Variants in ZBTB46 observed in about 807,000 individuals in gnomAD.
ZBTB46 encodes the protein zinc finger and BTB domain containing 46.
In ZBTB46, 8 loss-of-function variants were observed where a neutral mutation model predicts 44.1. The ratio of observed to expected loss-of-function variants is 0.18; its 90% CI spans 0.11 to 0.33. The LOEUF is 0.33. Among genes scored for constraint, ZBTB46 ranks in the 10% least tolerant of loss-of-function variants. The pLI is 1.00. For synonymous variants in ZBTB46, 409 were observed against 382.3 expected (o/e 1.07, Z -0.81); for missense variants, 651 against 847.7 (o/e 0.77, Z 2.88).
intron 1 of ZBTB46, among the ~76,000 whole-genome samples, chr20:63,827,005 C>T (rs1184267513): frequency 2.6e-5 from 4 of 152,054 alleles, no homozygotes; most frequent in Non-Finnish European, 4.4e-5. Context: ...GGTGGATCTC[C>T]GAGTGGACTC....
At chr20:63,806,625 T>C (rs1482112790) in intron 1 of ZBTB46, among the ~76,000 whole-genome samples, 3 of 152,110 alleles carry the variant, frequency 2.0e-5, no homozygotes, top group African/African-American at 7.2e-5. Flanking sequence ...TTCTCTTTTT[T>C]TGAGATGGAA....
intron 1 of ZBTB46, among the ~76,000 whole-genome samples, chr20:63,795,591 C>T (rs1218351836): frequency 6.6e-6 from 1 of 152,236 alleles, no homozygotes; most frequent in Non-Finnish European, 1.5e-5. Flanking sequence ...AAAACCAGCA[C>T]AGCTGGGAGG....
At chr20:63,808,847 G>A (rs1429296645) in intron 1 of ZBTB46, among the ~76,000 whole-genome samples, 1 of 151,660 alleles carries the variant, frequency 6.6e-6, no homozygotes, top group Non-Finnish European at 1.5e-5. Flanking sequence ...GCGTGGTGGG[G>A]GCGCCTGCAG....
Position 63,803,764 on chromosome 20 carries a change from G to C in ZBTB46, c.-33-12974C>G, listed in dbSNP as rs1279085454. Among the ~76,000 whole-genome samples, 3 of 152,124 alleles carry C rather than the reference G, an allele frequency of 2.0e-5. No homozygotes were observed. Among genetic ancestry groups the C allele is most frequent in the Non-Finnish European group, 4.4e-5 (3 of 68,022 alleles). On this transcript the variant is annotated intron_variant, in intron 1 of 4. Transcript: ENST00000245663. This position sits in a 1 kb window ranked among gnomAD's most constrained non-coding sequence, Gnocchi z 4.0. Reference sequence around the variant, plus strand: ...ACTCTGTCCCCCAGGCTGGAGTGCAGTGGCGCAATCTCGGCTCACTGCAGC... The same window carrying C: ...ACTCTGTCCCCCAGGCTGGAGTGCACTGGCGCAATCTCGGCTCACTGCAGC...
At chr20:63,785,632 A>G in intron 2 of ZBTB46, among the ~76,000 whole-genome samples, 1 of 152,222 alleles carries the variant, frequency 6.6e-6, no homozygotes, top group Non-Finnish European at 1.5e-5. Flanking sequence ...CTTCTCTAAG[A>G]TAGAATAAAT....
intron 1 of ZBTB46, chr20:63,815,278 G>C (rs1224753542): frequency 7.2e-6 from 2 of 278,188 alleles, no homozygotes; most frequent in Non-Finnish European, 1.4e-5. Context: ...CCGGTGCAGT[G>C]AGTGCAGGTG....
rs1379612373 is a variant in ZBTB46 at position 63,819,773 on chromosome 20, CCAA to C, written c.-34+11321_-34+11323del. Among the ~76,000 whole-genome samples the C allele has an allele frequency of 2.6e-5, 4 of 152,280 alleles. No homozygotes were observed. The South Asian group carries it at 6.2e-4, about 24-fold the overall frequency. ...CCTCGTAACTCCCTGCCTCACTCCG[CCAA>C]CAAGTAAGAAAAGCAACTGGGACGC... On this transcript the variant is annotated intron_variant, in intron 1 of 4. Transcript: ENST00000245663.
At chr20:63,782,467 C>T (rs961913261) in intron 2 of ZBTB46, among the ~76,000 whole-genome samples, 4 of 152,276 alleles carry the variant, frequency 2.6e-5, no homozygotes, top group South Asian at 2.1e-4. Context: ...GCAGCCCTGC[C>T]GGCTGCTTCA....
At chr20:63,813,839 G>A (rs1264470460) in intron 1 of ZBTB46, among the ~76,000 whole-genome samples, 2 of 152,212 alleles carry the variant, frequency 1.3e-5, no homozygotes, top group Non-Finnish European at 2.9e-5. Flanking sequence ...CCAGCATCGC[G>A]ACGCTGAGGA....
At position 63,785,921 on chromosome 20, in the gene ZBTB46, T is replaced by C. The variant is rs1012468339; in HGVS notation, c.937+3900A>G. Among the ~76,000 whole-genome samples the C allele has an allele frequency of 3.8e-4, 58 of 152,232 alleles. 1 individual carries two copies. Among genetic ancestry groups the C allele is most frequent in the Non-Finnish European group, 2.9e-5 (2 of 68,042 alleles). ...TACACAGCCAAAATCACTTGTTGGA[T>C]TCTAAAAACACCTTCTGCTCGACAA... On this transcript the variant is annotated intron_variant, in intron 2 of 4. Coordinates refer to ENST00000245663, the MANE Select transcript of ZBTB46 (RefSeq NM_001369741.1).
At chr20:63,781,238 A>G (rs2092467990) in intron 2 of ZBTB46, among the ~76,000 whole-genome samples, 1 of 152,094 alleles carries the variant, frequency 6.6e-6, no homozygotes, top group African/African-American at 2.4e-5. Flanking sequence ...TGGAACGAGA[A>G]CACCTAGGAA....
intron 3 of ZBTB46, among the ~76,000 whole-genome samples, chr20:63,770,092 G>A (rs769191012): frequency 3.9e-5 from 6 of 152,310 alleles, no homozygotes; most frequent in African/African-American, 7.2e-5. Context: ...CACCAGCAAC[G>A]CTCCAGAGGC....
rs1363463615 is a variant in ZBTB46 at position 63,746,809 on chromosome 20, G to A, written c.*121C>T. ...GGTTTCCGTGGGGGGTGGGTTCAGG[G>A]GGAAGCAGAGGAGGGGCCGCGAGAG... On this transcript the variant is annotated 3_prime_UTR_variant, in exon 5 of 5. Transcript: ENST00000245663. 1 of 1,390,032 alleles carries A rather than the reference G, an allele frequency of 7.2e-7. No individual in the cohort carries two copies. The highest frequency in any genetic ancestry group is 9.4e-7 in the Non-Finnish European group (1 of 1,067,902). The allele number at this position is 1,390,032 out of a possible 1,614,324, so 86.1% of individuals were successfully genotyped here.
At chr20:63,749,625 C>T (rs1016618621) in intron 4 of ZBTB46, among the ~76,000 whole-genome samples, 11 of 152,228 alleles carry the variant, frequency 7.2e-5, no homozygotes, top group African/African-American at 1.4e-4. Context: ...CGTCAGCCAC[C>T]GCGCCCAGCC....
At chr20:63,747,539 G>GGGGGGCGGGGCA (rs2092115082) in intron 4 of ZBTB46, among the ~76,000 whole-genome samples, 6 of 128,710 alleles carry the variant, frequency 4.7e-5, no homozygotes, top group East Asian at 5.1e-4. Flanking sequence ...TGGTGGGTGG[G>GGGGGGCGGGGCA]GGGGGTGCGG....
chr20:63,816,313 C>A, intron 1 of ZBTB46: 1 of 200,180 alleles, frequency 5.0e-6, no homozygotes, highest in South Asian at 6.2e-5. Flanking sequence ...TCACCCTCAA[C>A]ATGACTCCCT....
chr20:63,793,345 A>C (rs1162473722), intron 1 of ZBTB46, among the ~76,000 whole-genome samples: 2 of 152,182 alleles, frequency 1.3e-5, no homozygotes, highest in East Asian at 3.8e-4. Context: ...GAGCCCCAGG[A>C]GGGCAGGGCA....
chr20:63,801,206 A>C lies in ZBTB46; in HGVS notation c.-33-10416T>G, dbSNP rs147203206. 3.2e-3 allele frequency among the ~76,000 whole-genome samples: 487 copies of C among 151,946 alleles called. 2 individuals carry two copies. Among genetic ancestry groups the C allele is most frequent in the African/African-American group, 0.011 (444 of 41,440 alleles). On this transcript the variant is annotated intron_variant, in intron 1 of 4. Coordinates refer to ENST00000245663, the MANE Select transcript of ZBTB46 (RefSeq NM_001369741.1). ...CTTTATGTCTAGCTGAGGGATTGTAAATACACCAATCAGCACTCTGTATCT... is the reference window on the plus strand; with the variant it reads ...CTTTATGTCTAGCTGAGGGATTGTACATACACCAATCAGCACTCTGTATCT...
At position 63,790,016 on chromosome 20, in the gene ZBTB46, C is replaced by A; in HGVS notation, c.742G>T (p.Asp248Tyr). ...GAGAAAGAGTTCTGTACTGCACCGT[C>A]CTTGGCAGAAGGCAGCTCGCTCCCT... Reference protein sequence around the residue: ...YGGSELPSAKDGAVQNSFSEQ... With the variant: ...YGGSELPSAKYGAVQNSFSEQ... The change falls in exon 2 of 5, where the codon GAC becomes TAC. Residue 248 changes from aspartate (D) to tyrosine (Y), a missense_variant. Asp to Tyr is a radical substitution (Grantham distance 160). Transcript: ENST00000245663. 1 of 1,614,062 alleles carries A rather than the reference C, an allele frequency of 6.2e-7. No homozygotes were observed. Among genetic ancestry groups the A allele is most frequent in the Non-Finnish European group, 8.5e-7 (1 of 1,179,964 alleles).
Sources: allele counts gnomAD v4.1 joint callset (sites outside exome capture counted in the v4.1 genomes callset), GRCh38; gene constraint gnomAD v4.1.1; non-coding constraint Gnocchi (gnomAD v3.1); transcripts MANE v1.5; gene names NCBI Gene and HGNC (gene_info 2026-07-23, HGNC 2026-07-21).